Variants in OPRM1 observed in about 807,000 individuals in gnomAD.
OPRM1 encodes the protein opioid receptor mu 1.
In OPRM1, 27 loss-of-function variants were observed where a neutral mutation model predicts 31.8. The ratio of observed to expected loss-of-function variants is 0.85; its 90% CI spans 0.63 to 1.17. OPRM1 has a LOEUF of 1.17. Ranked by LOEUF, OPRM1 falls within the 50% of genes most tolerant of loss-of-function variation. The probability of loss-of-function intolerance (pLI) is 0.00; values close to 1 mark genes in which losing one functional copy is unlikely to be tolerated. For synonymous variants in OPRM1, 196 were observed against 189.9 expected, an observed-to-expected ratio of 1.03 and a Z score of -0.26; for missense variants, 536 against 511.1, an observed-to-expected ratio of 1.05 and a Z score of -0.47.
At chr6:154,083,943 C>CAAAAAAA (rs57976654) in intron 1 of OPRM1, among the ~76,000 whole-genome samples, 1 of 35,162 alleles carries the variant, frequency 2.8e-5, no homozygotes, top group Non-Finnish European at 5.4e-5. Flanking sequence ...GACTCCGTCT[C>CAAAAAAA]AAAAAAAAAA....
chr6:154,220,092 A>G (rs1176344003), intron 3 of OPRM1, among the ~76,000 whole-genome samples: 1 of 151,932 alleles, frequency 6.6e-6, no homozygotes, highest in Non-Finnish European at 1.5e-5. Flanking sequence ...GCAAGAGAGC[A>G]ATGAGAACTA....
At chr6:154,244,158 G>A (rs1178138231) in intron 3 of OPRM1, among the ~76,000 whole-genome samples, 1 of 152,168 alleles carries the variant, frequency 6.6e-6, no homozygotes, top group East Asian at 1.9e-4. Flanking sequence ...AAGCTTCTTG[G>A]CTTGACAGGA....
At chr6:154,104,203 G>A (rs574405381) in intron 3 of OPRM1, among the ~76,000 whole-genome samples, 1 of 152,322 alleles carries the variant, frequency 6.6e-6, no homozygotes, top group South Asian at 2.1e-4. Context: ...GCATCAGTAT[G>A]GCGAGGGCCA....
At chr6:154,236,662 T>C (rs991898150) in intron 3 of OPRM1, among the ~76,000 whole-genome samples, 4 of 152,212 alleles carry the variant, frequency 2.6e-5, no homozygotes, top group Non-Finnish European at 5.9e-5. Context: ...TGTGAAAATA[T>C]CAGTGGCTGA....
intron 3 of OPRM1, among the ~76,000 whole-genome samples, chr6:154,215,650 G>C (rs942620437): frequency 2.0e-5 from 3 of 151,898 alleles, no homozygotes; most frequent in African/African-American, 7.3e-5. Flanking sequence ...AAACAAAATA[G>C]GAGTTTCTAA....
At chr6:154,158,084 G>T (rs1228940637) in intron 3 of OPRM1, 1 of 152,174 alleles carries the variant, frequency 6.6e-6, no homozygotes, top group Non-Finnish European at 1.5e-5. Flanking sequence ...TGCTAAGGTT[G>T]TTTTTTGTTT....
intron 3 of OPRM1, among the ~76,000 whole-genome samples, chr6:154,105,674 A>G (rs1223224482): frequency 6.6e-6 from 1 of 152,230 alleles, no homozygotes; most frequent in Non-Finnish European, 1.5e-5. Flanking sequence ...CACAACAGTT[A>G]TAAATAACAT....
intron 1 of OPRM1, among the ~76,000 whole-genome samples, chr6:154,071,981 C>T (rs144366685): frequency 3.7e-4 from 56 of 152,314 alleles, no homozygotes; most frequent in African/African-American, 1.2e-3. Context: ...CAGAGGAATA[C>T]CACAGACTGA....
At chr6:154,088,044 A>T (rs1332842224) in intron 1 of OPRM1, among the ~76,000 whole-genome samples, 1 of 152,140 alleles carries the variant, frequency 6.6e-6, no homozygotes, top group African/African-American at 2.4e-5. Flanking sequence ...TGTAACATCC[A>T]AAAGTTGTAT....
chr6:154,198,972 G>A (rs779997532), intron 3 of OPRM1, among the ~76,000 whole-genome samples: 3 of 152,144 alleles, frequency 2.0e-5, no homozygotes, highest in African/African-American at 7.2e-5. Flanking sequence ...GAAAAGATAC[G>A]TCACGATTGA....
chr6:154,117,772 A>G (rs1797026563), intron 3 of OPRM1, among the ~76,000 whole-genome samples: 1 of 151,950 alleles, frequency 6.6e-6, no homozygotes, highest in African/African-American at 2.4e-5. Flanking sequence ...CTCTCCCTAA[A>G]GTGAGAATGA....
chr6:154,151,903 G>A (rs1360487121), intron 3 of OPRM1, among the ~76,000 whole-genome samples: 1 of 152,128 alleles, frequency 6.6e-6, no homozygotes, highest in South Asian at 2.1e-4. Context: ...GCCGGGCGCG[G>A]TGGCTCAAGC....
chr6:154,077,434 T>G (rs898746283), intron 1 of OPRM1, among the ~76,000 whole-genome samples: 1 of 149,504 alleles, frequency 6.7e-6, no homozygotes, highest in Admixed American at 6.7e-5. Context: ...TCATGTTTTT[T>G]AAAAAACAAA....
At chr6:154,226,089 T>TGC in intron 3 of OPRM1, among the ~76,000 whole-genome samples, 1 of 152,242 alleles carries the variant, frequency 6.6e-6, no homozygotes, top group East Asian at 1.9e-4. Context: ...TTCTCCTGTC[T>TGC]GTTTCTTAAA....
chr6:154,206,251 C>T (rs922926099), intron 3 of OPRM1, among the ~76,000 whole-genome samples: 7 of 152,204 alleles, frequency 4.6e-5, no homozygotes, highest in African/African-American at 1.4e-4. Flanking sequence ...AACCTGGCTT[C>T]CTCATTTGTA....
chr6:154,159,102 A>G (rs1483284583), intron 3 of OPRM1: 1 of 152,328 alleles, frequency 6.6e-6, no homozygotes, highest in African/African-American at 2.4e-5. Context: ...CAAAGGAAGT[A>G]GAGGTCTCCA....
rs1801020262 is a variant in OPRM1, at chr6:154,182,952, AG to A, written c.1165-63739del. 4.6e-5 allele frequency among the ~76,000 whole-genome samples: 7 copies of A among 152,248 alleles called. No individual in the cohort carries two copies. In the South Asian group the frequency reaches 1.4e-3, roughly 32 times the overall value. The stretch of plus-strand genomic sequence containing the variant: ...CTCAATTTCACTAAGCAGAATATGA[AG>A]GCTGAACAAATAAATGCCCTTATCT... On this transcript the variant is annotated intron_variant, in intron 3 of 3. Transcript: ENST00000337049.
chr6:154,020,491 G>C (rs929125135), intron 1 of OPRM1, among the ~76,000 whole-genome samples: 7 of 152,098 alleles, frequency 4.6e-5, no homozygotes, highest in African/African-American at 1.7e-4. Flanking sequence ...ATTCTGGAAA[G>C]ATAATTTAAA....
intron 1 of OPRM1, among the ~76,000 whole-genome samples, chr6:154,073,165 T>C (rs1787162463): frequency 6.6e-6 from 1 of 152,134 alleles, no homozygotes. Flanking sequence ...GCTGAAAGAA[T>C]ACCTGAAACT....
Sources: gnomAD v4.1 joint callset for allele counts (sites outside exome capture counted in the v4.1 genomes callset) on GRCh38, gnomAD v4.1.1 for gene constraint, MANE v1.5 for transcripts, NCBI Gene and HGNC (gene_info 2026-07-23, HGNC 2026-07-21) for gene names.